The following SHROOM3 variants were observed in gnomAD, a reference collection of about 807,000 sequenced individuals.
SHROOM3 encodes the protein protein Shroom3.
A neutral mutation model predicts 138.6 loss-of-function variants in SHROOM3; 47 were observed. The observed-to-expected ratio is 0.34, with a 90% CI of 0.27 to 0.43. SHROOM3 has a LOEUF of 0.43. Among genes scored for constraint, SHROOM3 ranks in the 20% least tolerant of loss-of-function variants. The pLI, the probability that SHROOM3 is intolerant of heterozygous loss-of-function variation, is 1.00. For synonymous variants in SHROOM3, 1,062 were observed against 1,063.3 expected (o/e 1.00, Z 0.02); for missense variants, 2,491 against 2,596.5 (o/e 0.96, Z 0.88).
rs570375132 is a variant in SHROOM3, at chr4:76,711,248, A to G, written c.455+961A>G. Among the ~76,000 whole-genome samples, 18 of 152,294 alleles carry G rather than the reference A, an allele frequency of 1.2e-4. No homozygotes were observed. In the East Asian group the frequency reaches 1.5e-3, roughly 13 times the overall value. The stretch of plus-strand genomic sequence containing the variant: ...CAGACTTGTTATAGAAGCTCTCTCT[A>G]CTTCCAACTGTAAAATAAGTTTAAT... On this transcript the variant is annotated intron_variant, in intron 3 of 10. Transcript: ENST00000296043.
At chr4:76,515,688 C>T (rs1041387658) in intron 1 of SHROOM3, among the ~76,000 whole-genome samples, 2 of 152,104 alleles carry the variant, frequency 1.3e-5, no homozygotes, top group Admixed American at 6.6e-5. Context: ...CAGTATCAGT[C>T]AGTGACCAGA....
At chr4:76,518,717 C>T (rs771787869) in intron 1 of SHROOM3, among the ~76,000 whole-genome samples, 2 of 152,164 alleles carry the variant, frequency 1.3e-5, no homozygotes, top group African/African-American at 2.4e-5. Context: ...GGGCCAGGCA[C>T]CCAAGCCTGT....
chr4:76,629,921 T>A (rs1735264973), intron 2 of SHROOM3, among the ~76,000 whole-genome samples: 1 of 152,180 alleles, frequency 6.6e-6, no homozygotes, highest in Non-Finnish European at 1.5e-5. Context: ...GATATGTGAA[T>A]TTTGGAGTCT....
intron 2 of SHROOM3, among the ~76,000 whole-genome samples, chr4:76,663,622 T>G (rs1222689805): frequency 6.6e-6 from 1 of 152,194 alleles, no homozygotes; most frequent in Non-Finnish European, 1.5e-5. Flanking sequence ...GCTGAACTCC[T>G]GGGCTAAAGT....
intron 2 of SHROOM3, among the ~76,000 whole-genome samples, chr4:76,629,860 A>G (rs1343143940): frequency 6.6e-6 from 1 of 152,216 alleles, no homozygotes; most frequent in Non-Finnish European, 1.5e-5. Context: ...GCAGATGTTA[A>G]TGAGGCAGAT....
At chr4:76,656,692 A>G (rs1202036791) in intron 2 of SHROOM3, among the ~76,000 whole-genome samples, 1 of 152,234 alleles carries the variant, frequency 6.6e-6, no homozygotes, top group African/African-American at 2.4e-5. Context: ...CTTGAACTGA[A>G]TAGGAGCACA....
At chr4:76,516,500 G>C (rs1258980718) in intron 1 of SHROOM3, among the ~76,000 whole-genome samples, 2 of 151,962 alleles carry the variant, frequency 1.3e-5, no homozygotes, top group African/African-American at 4.8e-5. Context: ...CTACTCAGGA[G>C]CCTAGAGGAA....
chr4:76,555,206 C>T (rs138221894), intron 1 of SHROOM3, among the ~76,000 whole-genome samples: 352 of 152,216 alleles, frequency 2.3e-3, no homozygotes, highest in Middle Eastern at 0.02. Flanking sequence ...AATTGTCTTC[C>T]ACAAAACTGG....
intron 2 of SHROOM3, among the ~76,000 whole-genome samples, chr4:76,576,515 G>A (rs145486487): frequency 1.1e-3 from 161 of 152,294 alleles, no homozygotes; most frequent in African/African-American, 3.5e-3. Flanking sequence ...GGTAGTAGGA[G>A]GCTGGTGGGG....
chr4:76,570,285 G>A (rs1260660187), intron 2 of SHROOM3, among the ~76,000 whole-genome samples: 1 of 152,050 alleles, frequency 6.6e-6, no homozygotes, highest in Non-Finnish European at 1.5e-5. Flanking sequence ...AAGCAGGAAT[G>A]GCCTCCATGT....
intron 2 of SHROOM3, among the ~76,000 whole-genome samples, chr4:76,659,219 G>A (rs1023312055): frequency 3.3e-5 from 5 of 152,142 alleles, no homozygotes; most frequent in Admixed American, 6.5e-5. Context: ...AGCACTTCCC[G>A]ATGTGAACTG....
At chr4:76,657,037 C>T (rs1006487026) in intron 2 of SHROOM3, among the ~76,000 whole-genome samples, 3 of 151,926 alleles carry the variant, frequency 2.0e-5, no homozygotes, top group East Asian at 1.9e-4. Flanking sequence ...ATTAGATGGG[C>T]GTGGTGGCAG....
At chr4:76,473,618 A>T (rs192500837) in intron 1 of SHROOM3, among the ~76,000 whole-genome samples, 107 of 152,264 alleles carry the variant, frequency 7.0e-4, no homozygotes, top group Middle Eastern at 3.4e-3. Context: ...CAAAAAAAGA[A>T]AAAAAAGAAG....
Position 76,756,830 on chromosome 4 carries a change from C to T in SHROOM3, c.5091C>T (p.Asp1697=). 1 of 1,613,970 alleles carries T rather than the reference C, an allele frequency of 6.2e-7. No individual in the cohort carries two copies. Among genetic ancestry groups the T allele is most frequent in the South Asian group, 1.1e-5 (1 of 91,062 alleles). Residue 1697 remains aspartate (D), a synonymous_variant, in exon 8 of 11, where the codon GAC becomes GAT. Transcript: ENST00000296043. ...ACTCCAGGCTGAAGACAACAATGGA[C>T]CTGATGGAAGGTTTGTTTCCCCGAG... The part of the protein sequence containing the change: ...DPDSRLKTTM[D]LMEGLFPRDV...
intron 1 of SHROOM3, among the ~76,000 whole-genome samples, chr4:76,441,624 G>A (rs1444364964): frequency 6.6e-6 from 1 of 152,176 alleles, no homozygotes; most frequent in East Asian, 1.9e-4. Flanking sequence ...TCTTCAGCTA[G>A]TTTGTTTCTT....
chr4:76,643,255 G>A (rs1396936031), intron 2 of SHROOM3, among the ~76,000 whole-genome samples: 1 of 150,964 alleles, frequency 6.6e-6, no homozygotes, highest in Non-Finnish European at 1.5e-5. Context: ...CTCTTTATTA[G>A]GTGTTTGTTA....
At chr4:76,761,473 T>G (rs1277940841) in intron 9 of SHROOM3, among the ~76,000 whole-genome samples, 2 of 152,184 alleles carry the variant, frequency 1.3e-5, no homozygotes, top group Non-Finnish European at 2.9e-5. Flanking sequence ...CTGACACTTG[T>G]ACTACCACAT....
At chr4:76,460,124 A>G (rs1277892537) in intron 1 of SHROOM3, among the ~76,000 whole-genome samples, 2 of 152,190 alleles carry the variant, frequency 1.3e-5, no homozygotes, top group African/African-American at 4.8e-5. Flanking sequence ...TTATCAAAAG[A>G]GATTACTTTT....
Position 76,782,232 on chromosome 4 carries a change from A to G in SHROOM3, c.*3055A>G, listed in dbSNP as rs2109802991. 1 of 152,282 alleles carries G rather than the reference A, an allele frequency of 6.6e-6. No individual in the cohort carries two copies. The highest frequency in any genetic ancestry group is 6.5e-5 in the Admixed American group (1 of 15,296). The allele number at this position is 152,282 out of a possible 1,614,324, so 9.4% of individuals were successfully genotyped here. On this transcript the variant is annotated 3_prime_UTR_variant, in exon 11 of 11. Coordinates refer to ENST00000296043, the MANE Select transcript of SHROOM3 (RefSeq NM_020859.4). Reference sequence around the variant, plus strand: ...CTCTATGAGACCAGATGCTGTCGAAACCAAACATCTTTTCCTTTGCTCTAT... The same window carrying G: ...CTCTATGAGACCAGATGCTGTCGAAGCCAAACATCTTTTCCTTTGCTCTAT...
Sources: gnomAD v4.1 joint callset for allele counts (sites outside exome capture counted in the v4.1 genomes callset) on GRCh38, gnomAD v4.1.1 for gene constraint, MANE v1.5 for transcripts, NCBI Gene and HGNC (gene_info 2026-07-23, HGNC 2026-07-21) for gene names.